The following PRKG2 variants were observed in gnomAD, a reference collection of about 807,000 sequenced individuals.
PRKG2 encodes protein kinase cGMP-dependent 2.
In PRKG2, 33 loss-of-function variants were observed where a neutral mutation model predicts 97.2. The ratio of observed to expected loss-of-function variants is 0.34; its 90% CI spans 0.26 to 0.45. The LOEUF is 0.45. PRKG2 is among the 20% of genes least tolerant of loss of function. PRKG2 has a pLI of 1.00. For missense variants in PRKG2, 638 were observed against 900.0 expected, an observed-to-expected ratio of 0.71 and a Z score of 3.73; for synonymous variants, 330 against 321.8, an observed-to-expected ratio of 1.03 and a Z score of -0.27.
chr4:81,119,831 T>C (rs368679799), intron 14 of PRKG2, among the ~76,000 whole-genome samples: 255 of 152,168 alleles, frequency 1.7e-3, no homozygotes, highest in African/African-American at 6.0e-3. Flanking sequence ...CCCGCCACCA[T>C]GCCCGGCTAA....
upstream of PRKG2, among the ~76,000 whole-genome samples, chr4:81,217,043 A>ATG (rs1560637108): frequency 1.4e-5 from 2 of 142,024 alleles, no homozygotes; most frequent in African/African-American, 5.4e-5. Context: ...ATATATATAT[A>ATG]TATATATATA....
intron 3 of PRKG2, chr4:81,173,730 GAAT>G (rs955153607): frequency 2.0e-5 from 3 of 151,880 alleles, no homozygotes; most frequent in Admixed American, 2.0e-4. Context: ...ACTATAAATA[GAAT>G]AATACATGTT....
At chr4:81,197,382 A>G (rs965339369) in intron 2 of PRKG2, among the ~76,000 whole-genome samples, 1 of 152,236 alleles carries the variant, frequency 6.6e-6, no homozygotes, top group African/African-American at 2.4e-5. Context: ...AAAAGCCAGC[A>G]CTGCTCAAAC....
chr4:81,098,732 T>A (rs886772432), intron 17 of PRKG2, among the ~76,000 whole-genome samples: 1 of 152,142 alleles, frequency 6.6e-6, no homozygotes, highest in African/African-American at 2.4e-5. Flanking sequence ...AAGTTTGGCA[T>A]CTTATATGGC....
At chr4:81,106,616 G>T (rs116279162) in intron 15 of PRKG2, among the ~76,000 whole-genome samples, 196 of 152,306 alleles carry the variant, frequency 1.3e-3, no homozygotes, top group African/African-American at 4.7e-3. Context: ...ACCTTGCCTA[G>T]CATAGTAATG....
intron 14 of PRKG2, among the ~76,000 whole-genome samples, chr4:81,123,835 C>A (rs1052136599): frequency 1.3e-5 from 2 of 151,988 alleles, no homozygotes; most frequent in African/African-American, 4.8e-5. Flanking sequence ...TTTTCTGTTT[C>A]CTTTGCGGCC....
At chr4:81,163,625 TCA>T (rs1477890541) in intron 6 of PRKG2, among the ~76,000 whole-genome samples, 1 of 152,150 alleles carries the variant, frequency 6.6e-6, no homozygotes, top group Non-Finnish European at 1.5e-5. Context: ...AACAAAATGT[TCA>T]TTCTGTGATA....
At chr4:81,153,083 C>T (rs1376971132) in intron 7 of PRKG2, among the ~76,000 whole-genome samples, 1 of 152,212 alleles carries the variant, frequency 6.6e-6, no homozygotes, top group Non-Finnish European at 1.5e-5. Flanking sequence ...CAACTGGCAA[C>T]ATGTTATCCA....
At chr4:81,169,217 G>A (rs928120307) in intron 5 of PRKG2, among the ~76,000 whole-genome samples, 19 of 152,082 alleles carry the variant, frequency 1.2e-4, no homozygotes, top group Admixed American at 3.3e-4. Flanking sequence ...GGAAGATGGC[G>A]TGACTATGCA....
chr4:81,092,033 T>A (rs2109938714), intron 18 of PRKG2, among the ~76,000 whole-genome samples: 2 of 151,990 alleles, frequency 1.3e-5, no homozygotes, highest in East Asian at 3.9e-4. Context: ...TATTTTCACC[T>A]TTTTTTTCAC....
intron 6 of PRKG2, among the ~76,000 whole-genome samples, chr4:81,156,541 A>G (rs1363095648): frequency 2.0e-5 from 3 of 152,144 alleles, no homozygotes; most frequent in Non-Finnish European, 2.9e-5. Context: ...AGTCAACAAG[A>G]ATACCCAGGA....
chr4:81,124,485 T>C (rs1189781688), intron 14 of PRKG2, among the ~76,000 whole-genome samples: 1 of 152,218 alleles, frequency 6.6e-6, no homozygotes, highest in African/African-American at 2.4e-5. Context: ...AGTGTGTGAC[T>C]TTCAAGAGCA....
chr4:81,099,293 C>T (rs1206650172), intron 17 of PRKG2, among the ~76,000 whole-genome samples: 1 of 152,074 alleles, frequency 6.6e-6, no homozygotes, highest in Non-Finnish European at 1.5e-5. Flanking sequence ...CCTTGATGAA[C>T]ATTGATGCAA....
rs1743264270 is a variant in PRKG2, at chr4:81,105,800, CTG to C, written c.2063+11_2063+12del. ...TTTCTTCAAGACAAGGGGTTACTGA[CTG>C]TCATTCTCACCTGCAAAGCCTCCGA... On this transcript the variant is annotated intron_variant, in intron 16 of 18. Transcript: ENST00000264399. 4 of 1,613,366 alleles carry C rather than the reference CTG, an allele frequency of 2.5e-6. No individual in the cohort carries two copies. Among genetic ancestry groups the C allele is most frequent in the Non-Finnish European group, 3.4e-6 (4 of 1,179,592 alleles).
intron 15 of PRKG2, among the ~76,000 whole-genome samples, chr4:81,106,455 C>G (rs926350968): frequency 6.6e-6 from 1 of 152,008 alleles, no homozygotes; most frequent in African/African-American, 2.4e-5. Flanking sequence ...AGGACAATAT[C>G]GCATAGATGA....
intron 2 of PRKG2, among the ~76,000 whole-genome samples, chr4:81,186,038 C>T (rs1183140851): frequency 1.3e-5 from 2 of 152,036 alleles, no homozygotes; most frequent in African/African-American, 4.8e-5. Context: ...ACTTCAACGC[C>T]CCACTGTCAA....
chr4:81,096,256 G>A (rs957575636), intron 17 of PRKG2, among the ~76,000 whole-genome samples: 1 of 152,084 alleles, frequency 6.6e-6, no homozygotes, highest in African/African-American at 2.4e-5. Context: ...TAAAACTGAG[G>A]TTAGGCTGGG....
At chr4:81,187,696 T>A (rs927227168) in intron 2 of PRKG2, among the ~76,000 whole-genome samples, 1 of 152,180 alleles carries the variant, frequency 6.6e-6, no homozygotes, top group Non-Finnish European at 1.5e-5. Context: ...GCAGATGACA[T>A]GATTGTATAT....
chr4:81,156,481 G>A (rs1169188111), intron 6 of PRKG2, among the ~76,000 whole-genome samples: 1 of 151,958 alleles, frequency 6.6e-6, no homozygotes, highest in East Asian at 1.9e-4. Context: ...ATTAATAATG[G>A]GAGACTTTAA....
Sources: gnomAD v4.1 joint callset for allele counts (sites outside exome capture counted in the v4.1 genomes callset) on GRCh38, gnomAD v4.1.1 for gene constraint, MANE v1.5 for transcripts, NCBI Gene and HGNC (gene_info 2026-07-23, HGNC 2026-07-21) for gene names.